The following CMIP variants were observed in gnomAD, a reference collection of about 807,000 sequenced individuals.
CMIP encodes the protein c-Maf inducing protein, also known as C-Maf-inducing protein.
Under a neutral mutation model 97.3 loss-of-function variants are expected in CMIP, and 13 were observed. The observed-to-expected ratio is 0.13, with a 90% CI of 0.09 to 0.21. The LOEUF is 0.21. CMIP is among the 10% of genes least tolerant of loss of function. CMIP has a pLI of 1.00. For missense variants in CMIP, 847 were observed against 1,024.9 expected (o/e 0.83, Z 2.37); for synonymous variants, 538 against 436.3 (o/e 1.23, Z -2.91).
Position 81,672,699 on chromosome 16 carries a change from C to G in CMIP, c.1034+629C>G, listed in dbSNP as rs145082671. Among the ~76,000 whole-genome samples, 96 of 152,296 alleles carry G rather than the reference C, an allele frequency of 6.3e-4. No homozygotes were observed. The East Asian group carries it at 0.018, about 28-fold the overall frequency. ...CAAGCCGTCCTCCCACCTCAGCCTC[C>G]CGAGTAGCTAGGACCACAGGCACAT... On this transcript the variant is annotated intron_variant, in intron 9 of 20. Coordinates refer to ENST00000537098, the MANE Select transcript of CMIP (RefSeq NM_198390.3).
At chr16:81,629,338 T>C (rs1024064739) in intron 3 of CMIP, among the ~76,000 whole-genome samples, 1 of 151,842 alleles carries the variant, frequency 6.6e-6, no homozygotes, top group African/African-American at 2.4e-5. Context: ...AACACACTGG[T>C]CGCTGTGTCC....
intron 1 of CMIP, among the ~76,000 whole-genome samples, chr16:81,567,874 G>GT (rs1217641866): frequency 3.3e-5 from 5 of 152,158 alleles, no homozygotes; most frequent in African/African-American, 1.2e-4. Flanking sequence ...TTGATAAATA[G>GT]TTGTTGACTT....
chr16:81,506,454 C>T (rs981915337), intron 1 of CMIP, among the ~76,000 whole-genome samples: 2 of 152,104 alleles, frequency 1.3e-5, no homozygotes, highest in African/African-American at 4.8e-5. Context: ...CCTTACATTG[C>T]AATTTATTGT....
chr16:81,674,963 A>G (rs1904285509), intron 9 of CMIP, among the ~76,000 whole-genome samples: 1 of 133,656 alleles, frequency 7.5e-6, no homozygotes, highest in South Asian at 2.2e-4. Flanking sequence ...CAATTTAAAA[A>G]AAGAAAGAAA....
intron 7 of CMIP, chr16:81,664,622 G>A (rs1454938862): frequency 3.4e-6 from 2 of 582,526 alleles, no homozygotes; most frequent in African/African-American, 1.9e-5. Flanking sequence ...GGAAGAATAG[G>A]CCCAAATAAT....
rs536412298 is a variant in CMIP, at chr16:81,558,344, C to T, written c.301-49223C>T. On this transcript the variant is annotated intron_variant, in intron 1 of 20. Transcript: ENST00000537098. ...TAGTGCTGCAGTGAACGTAGGTTTA[C>T]AGGTATCACACACAGACCAAGCTTC... Among the ~76,000 whole-genome samples, 6 of 152,328 alleles carry T rather than the reference C, an allele frequency of 3.9e-5. No individual in the cohort carries two copies. The East Asian group carries it at 1.2e-3, about 29-fold the overall frequency.
chr16:81,575,275 C>T lies in CMIP; in HGVS notation c.301-32292C>T, dbSNP rs141106404. 2.8e-3 allele frequency among the ~76,000 whole-genome samples: 431 copies of T among 152,270 alleles called. 1 individual carries two copies. The highest frequency in any genetic ancestry group is 0.01 in the Middle Eastern group (3 of 294). On this transcript the variant is annotated intron_variant, in intron 1 of 20. Coordinates refer to ENST00000537098, the MANE Select transcript of CMIP (RefSeq NM_198390.3). ...GTCATGCAGTGTTGGAATGGGGATG[C>T]GTCGGGCCTCCTCTGGGCTTTACCA...
chr16:81,666,141 T>C (rs539707368), intron 7 of CMIP: 2 of 152,344 alleles, frequency 1.3e-5, no homozygotes, highest in East Asian at 3.9e-4. Context: ...AGGAGCTCTT[T>C]CTGGCTTTGG....
At chr16:81,599,765 C>G (rs139146023) in intron 1 of CMIP, among the ~76,000 whole-genome samples, 2 of 152,214 alleles carry the variant, frequency 1.3e-5, no homozygotes, top group East Asian at 3.9e-4. Context: ...GCCTCAGTTT[C>G]TTCCTCTGTA....
chr16:81,471,431 CAT>C (rs1468208764), intron 1 of CMIP, among the ~76,000 whole-genome samples: 1 of 151,784 alleles, frequency 6.6e-6, no homozygotes, highest in Non-Finnish European at 1.5e-5. Flanking sequence ...TGTACATGCA[CAT>C]ACATTTGTAC....
chr16:81,702,530 G>A (rs1175762610), intron 16 of CMIP, 92 bp from the exon 17 acceptor site: 12 of 1,287,916 alleles, frequency 9.3e-6, no homozygotes, highest in South Asian at 2.5e-5. Flanking sequence ...AGAAAATAAC[G>A]ATGGCTCCAT....
chr16:81,706,186 G>A (rs1908118379), intron 19 of CMIP, among the ~76,000 whole-genome samples: 1 of 152,254 alleles, frequency 6.6e-6, no homozygotes, highest in Non-Finnish European at 1.5e-5. Flanking sequence ...CCGGGATTCT[G>A]TATTTGACCA....
intron 10 of CMIP, among the ~76,000 whole-genome samples, chr16:81,679,796 C>T (rs140664936): frequency 2.6e-5 from 4 of 152,218 alleles, no homozygotes; most frequent in African/African-American, 9.6e-5. Context: ...CCTTGCCATC[C>T]ACACGCTCCA....
At chr16:81,547,222 C>G (rs771000054) in intron 1 of CMIP, among the ~76,000 whole-genome samples, 1 of 152,118 alleles carries the variant, frequency 6.6e-6, no homozygotes, top group Admixed American at 6.5e-5. Flanking sequence ...AAGGCCTGGC[C>G]TCCAGAAAGA....
chr16:81,493,982 T>A (rs148895531), intron 1 of CMIP, among the ~76,000 whole-genome samples: 30 of 152,308 alleles, frequency 2.0e-4, no homozygotes, highest in African/African-American at 4.6e-4. Flanking sequence ...GCCGTTTTTT[T>A]AAAATCTCTT....
At chr16:81,653,117 A>T (rs1479199231) in intron 4 of CMIP, among the ~76,000 whole-genome samples, 1 of 152,174 alleles carries the variant, frequency 6.6e-6, no homozygotes, top group Non-Finnish European at 1.5e-5. Flanking sequence ...GCGCTTTACA[A>T]ATATTAATAC....
intron 3 of CMIP, among the ~76,000 whole-genome samples, chr16:81,649,237 C>T (rs147788836): frequency 1.3e-4 from 20 of 152,396 alleles, no homozygotes; most frequent in African/African-American, 4.3e-4. Flanking sequence ...AATACAGCCT[C>T]TGCAGACTCT....
chr16:81,575,559 A>G (rs1186406767), intron 1 of CMIP, among the ~76,000 whole-genome samples: 1 of 152,192 alleles, frequency 6.6e-6, no homozygotes, highest in Non-Finnish European at 1.5e-5. Context: ...CAGAGTAAAC[A>G]CAAGGGCCCT....
intron 1 of CMIP, among the ~76,000 whole-genome samples, chr16:81,452,395 G>A (rs572117348): frequency 6.6e-6 from 1 of 152,294 alleles, no homozygotes; most frequent in East Asian, 1.9e-4. Context: ...CCTCCATTCA[G>A]CAGTTAAGTG....
Sources: allele counts gnomAD v4.1 joint callset (sites outside exome capture counted in the v4.1 genomes callset), GRCh38; gene constraint gnomAD v4.1.1; transcripts MANE v1.5; gene names NCBI Gene and HGNC (gene_info 2026-07-23, HGNC 2026-07-21).